XKR6: variants seen among roughly 807,000 people sequenced by gnomAD.
The protein encoded by XKR6 is XK-related protein 6.
Under a neutral mutation model 56.7 loss-of-function variants are expected in XKR6, and 22 were observed. The ratio of observed to expected loss-of-function variants is 0.39; its 90% confidence interval spans 0.28 to 0.55. The LOEUF (loss-of-function observed/expected upper bound fraction) is 0.55. Among genes scored for constraint, XKR6 ranks in the 20% least tolerant of loss-of-function variants. The pLI is 0.66. For synonymous variants in XKR6, 524 were observed against 387.8 expected (o/e 1.35, Z -4.13); for missense variants, 852 against 889.0 (o/e 0.96, Z 0.53).
rs543715307 is a variant in XKR6, at chr8:10,979,345, C to A, written c.765-54515G>T. On this transcript the variant is annotated intron_variant, in intron 1 of 2. Transcript: ENST00000416569. ...TTGTGTTTGCAGAAAAATGAGGAAG[C>A]AAGCAGAAGGCTCGGGTCAGCAGCT... 3.3e-5 allele frequency among the ~76,000 whole-genome samples: 5 copies of A among 151,966 alleles called. No homozygotes were observed. In the East Asian group the frequency reaches 7.8e-4, roughly 24 times the overall value.
At chr8:11,173,439 A>G (rs1174871874) in intron 1 of XKR6, among the ~76,000 whole-genome samples, 1 of 151,716 alleles carries the variant, frequency 6.6e-6, no homozygotes, top group East Asian at 1.9e-4. Flanking sequence ...AACAGCTCCC[A>G]GAGAACAGAG....
At chr8:11,029,134 TC>T (rs1798935648) in intron 1 of XKR6, among the ~76,000 whole-genome samples, 2 of 152,048 alleles carry the variant, frequency 1.3e-5, no homozygotes, top group Admixed American at 1.3e-4. Context: ...ATGTGAGCTG[TC>T]CCCAAGAACC....
intron 1 of XKR6, among the ~76,000 whole-genome samples, chr8:10,947,328 G>A (rs867951301): frequency 6.6e-6 from 1 of 152,154 alleles, no homozygotes; most frequent in Non-Finnish European, 1.5e-5. Flanking sequence ...AGATACCTGG[G>A]GAACGTCCAG....
chr8:10,992,033 A>G (rs1798004839), intron 1 of XKR6, among the ~76,000 whole-genome samples: 1 of 152,224 alleles, frequency 6.6e-6, no homozygotes, highest in South Asian at 2.1e-4. Context: ...ATGTGATAGT[A>G]CAGCAGGAAA....
At chr8:11,083,489 C>G (rs1483811958) in intron 1 of XKR6, among the ~76,000 whole-genome samples, 1 of 152,184 alleles carries the variant, frequency 6.6e-6, no homozygotes, top group East Asian at 1.9e-4. Flanking sequence ...GGACCGGATT[C>G]TCTTTTTATT....
chr8:11,130,318 AG>A (rs1306861264), intron 1 of XKR6, among the ~76,000 whole-genome samples: 2 of 152,070 alleles, frequency 1.3e-5, no homozygotes, highest in Non-Finnish European at 2.9e-5. Context: ...TCAAGATCTA[AG>A]TTCGGGATTT....
intron 1 of XKR6, among the ~76,000 whole-genome samples, chr8:11,048,192 C>CT (rs1799456862): frequency 6.6e-6 from 1 of 152,202 alleles, no homozygotes; most frequent in African/African-American, 2.4e-5. Context: ...CGCCTAGACA[C>CT]TATGGGGCTG....
chr8:10,924,612 G>C, intron 2 of XKR6, 22 bp downstream of exon 2: 1 of 1,589,076 alleles, frequency 6.3e-7, no homozygotes, highest in Non-Finnish European at 8.6e-7. Context: ...GGGGTGGCGG[G>C]GCGCGGCCGG....
chr8:11,193,686 T>C (rs915826789), intron 1 of XKR6, among the ~76,000 whole-genome samples: 2 of 150,818 alleles, frequency 1.3e-5, no homozygotes, highest in Non-Finnish European at 2.9e-5. Context: ...CTTTTCAAAG[T>C]TAAAGAACAC....
At chr8:11,166,541 T>C (rs942474422) in intron 1 of XKR6, among the ~76,000 whole-genome samples, 2 of 152,194 alleles carry the variant, frequency 1.3e-5, no homozygotes, top group African/African-American at 4.8e-5. Context: ...ATTTAGTGCA[T>C]TTAATTTAAT....
chr8:11,176,128 C>G (rs974883584), intron 1 of XKR6, among the ~76,000 whole-genome samples: 2 of 152,198 alleles, frequency 1.3e-5, no homozygotes, highest in Non-Finnish European at 2.9e-5. Flanking sequence ...CATCACTGAC[C>G]TGTGCTTAGC....
chr8:11,083,461 TG>T (rs2129170501), intron 1 of XKR6, among the ~76,000 whole-genome samples: 1 of 152,282 alleles, frequency 6.6e-6, no homozygotes, highest in Admixed American at 6.5e-5. Flanking sequence ...ACTTGACAGG[TG>T]GCTGCATCCT....
At chr8:10,935,529 G>A (rs1319575539) in intron 1 of XKR6, among the ~76,000 whole-genome samples, 26 of 138,804 alleles carry the variant, frequency 1.9e-4, no homozygotes, top group Non-Finnish European at 3.3e-4. Context: ...TTTCTCTTGT[G>A]GGCATTTAGT....
At chr8:10,910,132 G>T (rs1013328453) in intron 2 of XKR6, among the ~76,000 whole-genome samples, 1 of 152,088 alleles carries the variant, frequency 6.6e-6, no homozygotes, top group Admixed American at 6.5e-5. Context: ...TCGGGGTGCA[G>T]GTGCTGCTGG....
intron 1 of XKR6, among the ~76,000 whole-genome samples, chr8:11,181,640 A>G (rs1218490381): frequency 6.6e-6 from 1 of 152,330 alleles, no homozygotes; most frequent in South Asian, 2.1e-4. Flanking sequence ...TATATAAAGG[A>G]AGAAAATTTG....
intron 2 of XKR6, among the ~76,000 whole-genome samples, chr8:10,910,188 T>A (rs1800309923): frequency 6.6e-6 from 1 of 152,124 alleles, no homozygotes; most frequent in Non-Finnish European, 1.5e-5. Flanking sequence ...ACTGCAATGC[T>A]CTGGAAAGCC....
At chr8:11,016,531 A>G (rs934133869) in intron 1 of XKR6, among the ~76,000 whole-genome samples, 21 of 151,984 alleles carry the variant, frequency 1.4e-4, no homozygotes, top group Non-Finnish European at 2.4e-4. Context: ...CTTCCCTCCC[A>G]CCATCCCTGC....
intron 1 of XKR6, among the ~76,000 whole-genome samples, chr8:10,975,947 G>A (rs1487315383): frequency 6.6e-6 from 1 of 152,158 alleles, no homozygotes; most frequent in Non-Finnish European, 1.5e-5. Flanking sequence ...GGCCGAGACG[G>A]GCAGATCACG....
At chr8:11,076,489 G>C (rs1214730194) in intron 1 of XKR6, among the ~76,000 whole-genome samples, 1 of 152,188 alleles carries the variant, frequency 6.6e-6, no homozygotes, top group Non-Finnish European at 1.5e-5. Context: ...ACGCCATGAG[G>C]CACTAGAAGA....
Sources: gnomAD v4.1 joint callset for allele counts (sites outside exome capture counted in the v4.1 genomes callset) on GRCh38, gnomAD v4.1.1 for gene constraint, MANE v1.5 for transcripts, NCBI Gene and HGNC (gene_info 2026-07-23, HGNC 2026-07-21) for gene names.